PRKCI: variants seen among roughly 807,000 people sequenced by gnomAD.
The protein encoded by PRKCI is protein kinase C iota.
A neutral mutation model predicts 84.0 loss-of-function variants in PRKCI; 43 were observed. The observed-to-expected ratio is 0.51, with a 90% CI of 0.40 to 0.66. The LOEUF is 0.66. Among genes scored for constraint, PRKCI ranks in the 30% least tolerant of loss-of-function variants. The probability of loss-of-function intolerance (pLI) is 0.00; values close to 1 mark genes in which losing one functional copy is unlikely to be tolerated. For synonymous variants in PRKCI, 216 were observed against 234.4 expected, an observed-to-expected ratio of 0.92 and a Z score of 0.72; for missense variants, 459 against 745.6, an observed-to-expected ratio of 0.62 and a Z score of 4.48.
chr3:170,269,866 G>A (rs945792023), intron 5 of PRKCI, among the ~76,000 whole-genome samples: 2 of 152,000 alleles, frequency 1.3e-5, no homozygotes, highest in African/African-American at 4.8e-5. Context: ...GCTGAGGCAG[G>A]AGAATCACTT....
chr3:170,248,374 G>GT (rs1560170777), intron 2 of PRKCI, among the ~76,000 whole-genome samples: 1 of 130,342 alleles, frequency 7.7e-6, no homozygotes, highest in Admixed American at 7.7e-5. Context: ...GATATATTGG[G>GT]GGGGGGAAAA....
intron 16 of PRKCI, among the ~76,000 whole-genome samples, chr3:170,298,095 A>G (rs1158107413): frequency 6.7e-6 from 1 of 150,352 alleles, no homozygotes; most frequent in Non-Finnish European, 1.5e-5. Flanking sequence ...CTGGTCTTGA[A>G]CTCTTGACCT....
chr3:170,268,255 C>T (rs145809536), intron 5 of PRKCI, among the ~76,000 whole-genome samples: 2 of 151,576 alleles, frequency 1.3e-5, no homozygotes, highest in Admixed American at 6.5e-5. Flanking sequence ...CCAAGGCTGC[C>T]GGATCAGTTG....
intron 2 of PRKCI, among the ~76,000 whole-genome samples, chr3:170,238,223 C>T (rs182561164): frequency 1.7e-3 from 259 of 152,150 alleles, no homozygotes; most frequent in Non-Finnish European, 3.0e-3. Context: ...ATTACCTGAG[C>T]GTGGTGGCGG....
At chr3:170,299,380 G>A (rs573856037) in intron 17 of PRKCI, among the ~76,000 whole-genome samples, 5 of 152,046 alleles carry the variant, frequency 3.3e-5, no homozygotes, top group South Asian at 2.1e-4. Flanking sequence ...GGCGCGTGCC[G>A]CCACGCCCAG....
At chr3:170,296,125 C>A in intron 15 of PRKCI, 135 bp downstream of exon 15, 1 of 451,262 alleles carries the variant, frequency 2.2e-6, no homozygotes, top group Non-Finnish European at 3.9e-6. Flanking sequence ...CAGAATTTGT[C>A]TCTTACCCAA....
chr3:170,256,496 T>C (rs1215876624), intron 2 of PRKCI, among the ~76,000 whole-genome samples: 2 of 152,200 alleles, frequency 1.3e-5, no homozygotes, highest in Non-Finnish European at 2.9e-5. Flanking sequence ...CCTTTGAGTT[T>C]CTGCAGTATT....
chr3:170,248,544 T>C (rs1026073993), intron 2 of PRKCI, among the ~76,000 whole-genome samples: 1 of 152,112 alleles, frequency 6.6e-6, no homozygotes, highest in Admixed American at 6.6e-5. Context: ...TCATGATGAC[T>C]GCATGGAATG....
intron 1 of PRKCI, among the ~76,000 whole-genome samples, chr3:170,230,963 GTTT>G (rs375182104): frequency 7.8e-6 from 1 of 128,136 alleles, no homozygotes. Context: ...TTTTTTTTTT[GTTT>G]TTTTTTTTTT....
At chr3:170,275,316 T>G (rs1176119762) in intron 8 of PRKCI, 29 bp downstream of exon 8, 2 of 1,571,816 alleles carry the variant, frequency 1.3e-6, no homozygotes, top group South Asian at 2.5e-5. Context: ...TTGTACATTA[T>G]ATCATTAGCT....
chr3:170,266,007 A>G (rs1399426679), intron 4 of PRKCI, among the ~76,000 whole-genome samples: 1 of 152,120 alleles, frequency 6.6e-6, no homozygotes, highest in African/African-American at 2.4e-5. Context: ...TTTAAATAGT[A>G]AACCCATTGC....
chr3:170,243,725 A>G (rs1449489474), intron 2 of PRKCI, among the ~76,000 whole-genome samples: 1 of 152,232 alleles, frequency 6.6e-6, no homozygotes, highest in Non-Finnish European at 1.5e-5. Context: ...TATGCCTGTT[A>G]GTCCCTGAAA....
At chr3:170,274,581 T>G (rs1734071784) in intron 7 of PRKCI, among the ~76,000 whole-genome samples, 1 of 152,220 alleles carries the variant, frequency 6.6e-6, no homozygotes, top group Non-Finnish European at 1.5e-5. Context: ...CTGGGAAATT[T>G]GGAGAGCAGT....
chr3:170,228,938 G>C (rs1267127285), intron 1 of PRKCI, among the ~76,000 whole-genome samples: 1 of 151,876 alleles, frequency 6.6e-6, no homozygotes, highest in Non-Finnish European at 1.5e-5. Flanking sequence ...TGTACCCTTT[G>C]TTTAGCTCTC....
intron 1 of PRKCI, among the ~76,000 whole-genome samples, chr3:170,234,978 C>T (rs1176309492): frequency 6.6e-6 from 1 of 151,798 alleles, no homozygotes; most frequent in Non-Finnish European, 1.5e-5. Context: ...CGGGGTTTCA[C>T]CATGTTGCCC....
chr3:170,272,114 C>T (rs556978985), intron 6 of PRKCI, among the ~76,000 whole-genome samples: 15 of 152,246 alleles, frequency 9.9e-5, no homozygotes, highest in Admixed American at 6.5e-4. Flanking sequence ...GAATTACAGG[C>T]GTGAGCCACT....
intron 5 of PRKCI, 70 bp from the exon 6 acceptor site, chr3:170,270,351 T>G: frequency 7.0e-7 from 1 of 1,419,764 alleles, no homozygotes; most frequent in Non-Finnish European, 9.4e-7. Flanking sequence ...GGGAATTGAG[T>G]CAGCAAACTA....
At chr3:170,262,886 T>G (rs531444058) in intron 3 of PRKCI, among the ~76,000 whole-genome samples, 1 of 151,442 alleles carries the variant, frequency 6.6e-6, no homozygotes, top group Non-Finnish European at 1.5e-5. Flanking sequence ...AACCTTCTTT[T>G]GTGGCCGGGC....
At chr3:170,273,249 C>T (rs1249484807) in intron 6 of PRKCI, 37 bp from the exon 7 acceptor site, 7 of 1,556,182 alleles carry the variant, frequency 4.5e-6, no homozygotes, top group Admixed American at 1.7e-5. Context: ...AATAGAGGTA[C>T]TCCACTGAGT....
Sources: gnomAD v4.1 joint callset for allele counts (sites outside exome capture counted in the v4.1 genomes callset) on GRCh38, gnomAD v4.1.1 for gene constraint, MANE v1.5 for transcripts, NCBI Gene and HGNC (gene_info 2026-07-23, HGNC 2026-07-21) for gene names.